USP13: variants seen among roughly 807,000 people sequenced by gnomAD.
The protein encoded by USP13 is ubiquitin carboxyl-terminal hydrolase 13.
USP13 carries 68 observed loss-of-function variants against 107.8 expected under a neutral mutation model. That is an observed-to-expected ratio of 0.63 (90% CI 0.52 to 0.77). The LOEUF is 0.77. Ranked by LOEUF, USP13 falls within the 30% of genes least tolerant of loss-of-function variation. USP13 has a pLI of 0.00. For synonymous variants in USP13, 377 were observed against 389.5 expected, an observed-to-expected ratio of 0.97 and a Z score of 0.38; for missense variants, 945 against 1,093.3, an observed-to-expected ratio of 0.86 and a Z score of 1.91.
At chr3:179,659,499 T>C (rs1218311316) in intron 1 of USP13, among the ~76,000 whole-genome samples, 3 of 152,218 alleles carry the variant, frequency 2.0e-5, no homozygotes, top group African/African-American at 4.8e-5. Context: ...TGCATGATTC[T>C]GAGACATGCC....
chr3:179,770,425 C>G (rs778212984), intron 19 of USP13, among the ~76,000 whole-genome samples: 2 of 152,050 alleles, frequency 1.3e-5, no homozygotes, highest in Non-Finnish European at 2.9e-5. Flanking sequence ...AACATTGCTG[C>G]TAAATTATAT....
At position 179,681,907 on chromosome 3, in the gene USP13, G is replaced by T. The variant is rs1247918374; in HGVS notation, c.198G>T (p.Met66Ile). The T allele has an allele frequency of 7.4e-6, 12 of 1,613,824 alleles. No individual in the cohort carries two copies. Among genetic ancestry groups the T allele is most frequent in the Non-Finnish European group, 8.5e-7 (1 of 1,179,936 alleles). ...CTGAAGGTGGACTCTATGTATGCAT[G>T]AATACATTTTTGGCCTTTGGAAGGG... is the stretch of plus-strand genomic sequence containing the variant. ...PNSEGGLYVC[M>I]NTFLAFGREH... Residue 66 changes from methionine (M) to isoleucine (I), a missense_variant, in exon 2 of 21, where the codon ATG becomes ATT. By Grantham distance (10) the Met-to-Ile change is conservative. Transcript: ENST00000263966.
intron 2 of USP13, among the ~76,000 whole-genome samples, chr3:179,683,842 A>T (rs1711761437): frequency 6.6e-6 from 1 of 152,152 alleles, no homozygotes; most frequent in Non-Finnish European, 1.5e-5. Context: ...TCCATCTATA[A>T]CTTATTTTTG....
chr3:179,757,250 A>T (rs1455527452), intron 16 of USP13, 172 bp downstream of exon 16: 2 of 678,756 alleles, frequency 2.9e-6, no homozygotes, highest in South Asian at 2.1e-5. Flanking sequence ...CAGGTGGCCC[A>T]TGGGGCTCAG....
chr3:179,689,857 T>G (rs995616799), intron 2 of USP13, among the ~76,000 whole-genome samples: 3 of 152,126 alleles, frequency 2.0e-5, no homozygotes, highest in Non-Finnish European at 4.4e-5. Flanking sequence ...ACCCACTGGG[T>G]AAGCAGGAGA....
chr3:179,706,844 A>G lies in USP13; in HGVS notation c.478-90A>G. 2.1e-6 allele frequency: 3 copies of G among 1,421,278 alleles called. No homozygotes were observed. The East Asian group carries it at 7.3e-5, about 35-fold the overall frequency. 88.0% of individuals were successfully genotyped at this position (1,421,278 alleles called of 1,614,324 possible). On this transcript the variant is annotated intron_variant, in intron 4 of 20. Coordinates refer to ENST00000263966, the MANE Select transcript of USP13 (RefSeq NM_003940.3). ...CGCTGTTTGCGTTTCTTCAGTTTTTAAATTCATATTCTAGTGAATTTGCTA... is the reference window on the plus strand; with the variant it reads ...CGCTGTTTGCGTTTCTTCAGTTTTTGAATTCATATTCTAGTGAATTTGCTA...
At chr3:179,728,678 C>T (rs1260728899) in intron 8 of USP13, among the ~76,000 whole-genome samples, 5 of 152,198 alleles carry the variant, frequency 3.3e-5, no homozygotes, top group Admixed American at 6.5e-5. Context: ...CCACTGCACT[C>T]CAGCCTGGGC....
intron 15 of USP13, among the ~76,000 whole-genome samples, chr3:179,756,715 TG>T (rs1226076600): frequency 6.6e-6 from 1 of 152,204 alleles, no homozygotes; most frequent in Non-Finnish European, 1.5e-5. Flanking sequence ...CCATGATTGC[TG>T]TACCACCCTC....
At chr3:179,674,957 C>A (rs922535944) in intron 1 of USP13, among the ~76,000 whole-genome samples, 1 of 152,084 alleles carries the variant, frequency 6.6e-6, no homozygotes, top group Non-Finnish European at 1.5e-5. Flanking sequence ...GGATCGATCA[C>A]AAGGTCAGGA....
intron 17 of USP13, among the ~76,000 whole-genome samples, chr3:179,762,575 C>T (rs1715044942): frequency 6.6e-6 from 1 of 151,988 alleles, no homozygotes; most frequent in Admixed American, 6.6e-5. Flanking sequence ...AGTGAGACTC[C>T]ATCTAAAATA....
chr3:179,728,874 C>T (rs997086085), intron 8 of USP13, among the ~76,000 whole-genome samples: 13 of 150,716 alleles, frequency 8.6e-5, no homozygotes, highest in Non-Finnish European at 1.3e-4. Flanking sequence ...CGCAGGCAGT[C>T]GGCAGGCTGA....
intron 20 of USP13, among the ~76,000 whole-genome samples, chr3:179,782,891 A>G (rs890426455): frequency 1.3e-5 from 2 of 152,148 alleles, no homozygotes; most frequent in Non-Finnish European, 2.9e-5. Flanking sequence ...GATTACAGGC[A>G]TGTGCTATCA....
chr3:179,732,025 C>T (rs1368604673), intron 10 of USP13, among the ~76,000 whole-genome samples: 5 of 150,076 alleles, frequency 3.3e-5, no homozygotes, highest in Admixed American at 6.6e-5. Context: ...CATATAGAGG[C>T]AGCCTTGGGG....
intron 1 of USP13, among the ~76,000 whole-genome samples, chr3:179,659,911 G>A (rs150849499): frequency 0.017 from 2,528 of 152,120 alleles, 70 homozygotes; most frequent in African/African-American, 0.058. Flanking sequence ...GCTGGGTAGC[G>A]GGCGCCTGTA....
At chr3:179,671,449 GA>G (rs923507461) in intron 1 of USP13, among the ~76,000 whole-genome samples, 2 of 152,096 alleles carry the variant, frequency 1.3e-5, no homozygotes, top group African/African-American at 2.4e-5. Flanking sequence ...AAAACAGGAA[GA>G]AAAAAAATTC....
intron 19 of USP13, among the ~76,000 whole-genome samples, chr3:179,781,402 G>T (rs549185742): frequency 6.6e-6 from 1 of 151,804 alleles, no homozygotes; most frequent in African/African-American, 2.4e-5. Context: ...GTCCACCCTC[G>T]TGCTATTTGG....
rs1560039030 is a variant in USP13 at position 179,659,965 on chromosome 3, C to G, written c.168+6572C>G. Reference sequence around the variant, plus strand: ...GCTGAGGCAGGGAGAATCGCTTGAACCTGGGAGGCAGAGGTTGCAGTGAGC... The same window carrying G: ...GCTGAGGCAGGGAGAATCGCTTGAAGCTGGGAGGCAGAGGTTGCAGTGAGC... On this transcript the variant is annotated intron_variant, in intron 1 of 20. Transcript: ENST00000263966. Among the ~76,000 whole-genome samples, 3 of 152,314 alleles carry G rather than the reference C, an allele frequency of 2.0e-5. No individual in the cohort carries two copies. In the South Asian group the frequency reaches 6.2e-4, roughly 32 times the overall value.
intron 12 of USP13, among the ~76,000 whole-genome samples, chr3:179,744,203 A>G (rs1714311058): frequency 6.6e-6 from 1 of 152,164 alleles, no homozygotes; most frequent in Non-Finnish European, 1.5e-5. Context: ...GGCTAACTGC[A>G]GTCCTGTAGT....
intron 13 of USP13, among the ~76,000 whole-genome samples, chr3:179,747,548 C>G (rs1205320213): frequency 6.6e-6 from 1 of 152,172 alleles, no homozygotes; most frequent in Non-Finnish European, 1.5e-5. Context: ...GTGCCTGCCT[C>G]TCCCTAGAAG....
Sources: gnomAD v4.1 joint callset for allele counts (sites outside exome capture counted in the v4.1 genomes callset) on GRCh38, gnomAD v4.1.1 for gene constraint, MANE v1.5 for transcripts, NCBI Gene and HGNC (gene_info 2026-07-23, HGNC 2026-07-21) for gene names.